The following FAM200B variants were observed in gnomAD, a reference collection of about 807,000 sequenced individuals.
FAM200B encodes zinc finger BED-type containing 11.
Under a neutral mutation model 33.1 loss-of-function variants are expected in FAM200B, and 32 were observed. The ratio of observed to expected loss-of-function variants is 0.97; its 90% confidence interval spans 0.73 to 1.30. The LOEUF is 1.30. FAM200B is among the 50% of genes most tolerant of loss of function. The pLI, the probability that FAM200B is intolerant of heterozygous loss-of-function variation, is 0.00. For synonymous variants in FAM200B, 240 were observed against 264.8 expected, an observed-to-expected ratio of 0.91 and a Z score of 0.91; for missense variants, 741 against 754.0, an observed-to-expected ratio of 0.98 and a Z score of 0.20.
At chr4:15,652,789 C>T in the FAM200B span, among the ~76,000 whole-genome samples, 1 of 152,188 alleles carries the variant, frequency 6.6e-6, no homozygotes, top group Non-Finnish European at 1.5e-5. Context: ...AATAACTGGG[C>T]ATTCAGAGCC....
chr4:15,650,909 C>T, the FAM200B span, among the ~76,000 whole-genome samples: 3 of 152,052 alleles, frequency 2.0e-5, no homozygotes, highest in Non-Finnish European at 4.4e-5. Context: ...GGGATACAGG[C>T]ATGAGCCACT....
Position 15,688,623 on chromosome 4 carries a change from T to C in FAM200B, c.1646T>C (p.Ile549Thr), listed in dbSNP as rs1328331806. The change falls in exon 2 of 2, where the codon ATA becomes ACA. Residue 549 changes from isoleucine (I) to threonine (T), a missense_variant. Coordinates refer to ENST00000422728, the MANE Select transcript of FAM200B (RefSeq NM_001145191.2). ...TTTGCTTTTCGACACCCTGAATCAA[T>C]AATTGAGCTAAACTTGGTGCCTGAA... The part of the protein sequence containing the change: ...DPFAFRHPES[I>T]IELNLVPEEE... 6.4e-7 allele frequency: 1 copy of C among 1,551,202 alleles called. No homozygotes were observed. The highest frequency in any genetic ancestry group is 2.0e-5 in the Admixed American group (1 of 51,004).
At chr4:15,655,468 G>T in the FAM200B span, 2 of 877,400 alleles carry the variant, frequency 2.3e-6, no homozygotes, top group Non-Finnish European at 2.7e-6. Context: ...CGATCCCTGC[G>T]GCCCACGTGA....
the FAM200B span, among the ~76,000 whole-genome samples, chr4:15,652,187 T>A: frequency 1.3e-5 from 2 of 152,176 alleles, no homozygotes; most frequent in African/African-American, 4.8e-5. Flanking sequence ...AAGGATGTCA[T>A]TCAATATAAA....
At chr4:15,662,758 A>T in the FAM200B span, among the ~76,000 whole-genome samples, 7 of 152,350 alleles carry the variant, frequency 4.6e-5, no homozygotes, top group South Asian at 1.5e-3. Context: ...GGTAGCTGAT[A>T]CTATAGTAAG....
the FAM200B span, among the ~76,000 whole-genome samples, chr4:15,661,697 A>G: frequency 1.3e-5 from 2 of 152,200 alleles, no homozygotes; most frequent in African/African-American, 4.8e-5. Context: ...CAAAACTTGA[A>G]TGGCTTAAGC....
At chr4:15,650,414 G>A in the FAM200B span, among the ~76,000 whole-genome samples, 1 of 151,972 alleles carries the variant, frequency 6.6e-6, no homozygotes, top group Non-Finnish European at 1.5e-5. Flanking sequence ...TTACTTTTCG[G>A]TTTAAATTTT....
the FAM200B span, among the ~76,000 whole-genome samples, chr4:15,676,560 T>C: frequency 6.6e-6 from 1 of 152,192 alleles, no homozygotes; most frequent in African/African-American, 2.4e-5. Flanking sequence ...AAAACATTTT[T>C]TGGCAATAAT....
chr4:15,666,401 AAAAAT>A, the FAM200B span, among the ~76,000 whole-genome samples: 29 of 152,286 alleles, frequency 1.9e-4, no homozygotes, highest in South Asian at 3.1e-3. Context: ...CCCTGCCTAA[AAAAAT>A]AAAATAAAGA....
the FAM200B span, among the ~76,000 whole-genome samples, chr4:15,648,165 T>C: frequency 1.3e-5 from 2 of 152,232 alleles, no homozygotes; most frequent in African/African-American, 4.8e-5. Context: ...CTACCTGTGA[T>C]AATTTAATAA....
chr4:15,664,419 A>C, the FAM200B span, among the ~76,000 whole-genome samples: 27 of 152,252 alleles, frequency 1.8e-4, 1 homozygote, highest in South Asian at 4.6e-3. Context: ...TTCCTATTGA[A>C]CAGGACCCAG....
chr4:15,637,426 A>T, the FAM200B span, among the ~76,000 whole-genome samples: 13 of 152,238 alleles, frequency 8.5e-5, no homozygotes, highest in Non-Finnish European at 1.6e-4. Flanking sequence ...ATTCATCACT[A>T]AAGTCCTATG....
intron 1 of FAM200B, among the ~76,000 whole-genome samples, chr4:15,685,634 C>G (rs766677517): frequency 1.3e-5 from 2 of 151,804 alleles, no homozygotes; most frequent in Non-Finnish European, 2.9e-5. Flanking sequence ...CAAGGACCCA[C>G]CTAGATACCA....
chr4:15,681,631 G>A (rs917742818), upstream of FAM200B: 1 of 152,542 alleles, frequency 6.6e-6, no homozygotes, highest in Non-Finnish European at 1.5e-5. Context: ...TCCCGCGAGA[G>A]GCGGAAATCC....
the FAM200B span, chr4:15,641,713 T>A: frequency 2.4e-6 from 1 of 424,588 alleles, no homozygotes; most frequent in South Asian, 1.7e-5. Flanking sequence ...CCCATGTTGT[T>A]CAAGGGTCAA....
At chr4:15,665,889 A>G in the FAM200B span, among the ~76,000 whole-genome samples, 590 of 152,278 alleles carry the variant, frequency 3.9e-3, 7 homozygotes, top group African/African-American at 0.014. Context: ...CTCCAAAGGA[A>G]TCTGGATCAC....
chr4:15,655,476 T>C, the FAM200B span: 1 of 807,160 alleles, frequency 1.2e-6, no homozygotes, highest in Non-Finnish European at 1.5e-6. Flanking sequence ...GCGGCCCACG[T>C]GACCGGGCGC....
the FAM200B span, among the ~76,000 whole-genome samples, chr4:15,647,165 G>C: frequency 7.3e-6 from 1 of 136,682 alleles, no homozygotes; most frequent in African/African-American, 2.7e-5. Context: ...AGAGGTTGCA[G>C]TGAGCCGAGA....
chr4:15,648,013 C>A, the FAM200B span, among the ~76,000 whole-genome samples: 2 of 152,120 alleles, frequency 1.3e-5, no homozygotes, highest in South Asian at 2.1e-4. Flanking sequence ...GTGGTGTGCA[C>A]CACACCCAGT....
Sources: gnomAD v4.1 joint callset for allele counts (sites outside exome capture counted in the v4.1 genomes callset) on GRCh38, gnomAD v4.1.1 for gene constraint, MANE v1.5 for transcripts, NCBI Gene and HGNC (gene_info 2026-07-23, HGNC 2026-07-21) for gene names.